Variants in COL24A1 observed in about 807,000 individuals in gnomAD.
COL24A1 encodes the protein collagen type XXIV alpha 1 chain.
Under a neutral mutation model 253.9 loss-of-function variants are expected in COL24A1, and 224 were observed. The observed-to-expected ratio is 0.88, with a 90% confidence interval of 0.79 to 0.99. COL24A1 has a LOEUF of 0.99. Ranked by LOEUF, COL24A1 falls within the 50% of genes least tolerant of loss-of-function variation. COL24A1 has a pLI of 0.00. For missense variants in COL24A1, 2,131 were observed against 2,068.5 expected (o/e 1.03, Z -0.59); for synonymous variants, 685 against 673.7 (o/e 1.02, Z -0.26).
In COL24A1 at chr1:85,869,455, G is replaced by A. The variant is rs1362189211; in HGVS notation, c.3139-620C>T. Among the ~76,000 whole-genome samples, 4 of 152,114 alleles carry A rather than the reference G, an allele frequency of 2.6e-5. No homozygotes were observed. The East Asian group carries it at 7.7e-4, about 29-fold the overall frequency. ...TTAAGGGCAGCCAGAGAGAAAGGTCGGGTTAACCACAAAGGAAAGCCCATC... is the reference window on the plus strand; with the variant it reads ...TTAAGGGCAGCCAGAGAGAAAGGTCAGGTTAACCACAAAGGAAAGCCCATC... On this transcript the variant is annotated intron_variant, in intron 35 of 59. Coordinates refer to ENST00000370571, the MANE Select transcript of COL24A1 (RefSeq NM_152890.7).
intron 24 of COL24A1, among the ~76,000 whole-genome samples, chr1:85,956,330 A>T (rs1210510999): frequency 1.3e-5 from 2 of 152,310 alleles, no homozygotes; most frequent in East Asian, 3.9e-4. Context: ...CCCAGCTCAG[A>T]ATCAGTCATG....
intron 24 of COL24A1, among the ~76,000 whole-genome samples, chr1:85,924,811 G>A (rs1426079104): frequency 6.6e-6 from 1 of 152,158 alleles, no homozygotes; most frequent in Non-Finnish European, 1.5e-5. Context: ...AGTGTTGGAA[G>A]TTCTGGTCAG....
chr1:85,822,619 G>A (rs1673764868), intron 45 of COL24A1, among the ~76,000 whole-genome samples: 1 of 152,166 alleles, frequency 6.6e-6, no homozygotes, highest in Admixed American at 6.5e-5. Context: ...ATGAGCCTGT[G>A]TTACATAGTC....
Position 86,017,180 on chromosome 1 carries a change from G to A in COL24A1, c.2281C>T (p.Gln761Ter). 3 of 1,585,340 alleles carry A rather than the reference G, an allele frequency of 1.9e-6. No individual in the cohort carries two copies. The highest frequency in any genetic ancestry group is 1.7e-6 in the Non-Finnish European group (2 of 1,170,374). ...GGTCCTGGAGGGCCAGATGGTCCTT[G>A]GAGTCCTGGGTCACCTGTTTGGCCC... is the stretch of plus-strand genomic sequence containing the variant. The part of the protein sequence containing the change: ...PSGQTGDPGL[Q>*]GPSGPPGPEG... Residue 761 changes from glutamine to a stop codon, truncating the protein, a stop_gained, in exon 19 of 60, where the codon CAA (glutamine) becomes TAA (stop). Transcript: ENST00000370571. LOFTEE classifies it high-confidence loss of function.
chr1:86,124,330 TC>T (rs1394679195), intron 3 of COL24A1, among the ~76,000 whole-genome samples: 1 of 151,908 alleles, frequency 6.6e-6, no homozygotes, highest in African/African-American at 2.4e-5. Flanking sequence ...CTAAAGACAG[TC>T]AACGATTCAT....
At chr1:85,895,749 T>C (rs1683614932) in intron 31 of COL24A1, 109 bp downstream of exon 31, 3 of 829,120 alleles carry the variant, frequency 3.6e-6, no homozygotes, top group South Asian at 1.6e-5. Context: ...ACTGCAAATA[T>C]ATATAATTTT....
chr1:85,831,792 T>C (rs1016660506), intron 43 of COL24A1, among the ~76,000 whole-genome samples: 2 of 151,988 alleles, frequency 1.3e-5, no homozygotes, highest in Non-Finnish European at 2.9e-5. Flanking sequence ...TGACAGAACA[T>C]GTTAGGTAGA....
At chr1:85,907,888 T>TA (rs1250587047) in intron 27 of COL24A1, among the ~76,000 whole-genome samples, 3 of 151,824 alleles carry the variant, frequency 2.0e-5, no homozygotes, top group Admixed American at 6.6e-5. Flanking sequence ...ATTTCAAATT[T>TA]ATTTATTATT....
intron 19 of COL24A1, among the ~76,000 whole-genome samples, chr1:86,010,339 A>G (rs1370603707): frequency 6.6e-6 from 1 of 152,194 alleles, no homozygotes; most frequent in African/African-American, 2.4e-5. Context: ...AATTTCCCTA[A>G]TACCCAAATA....
Position 85,787,793 on chromosome 1 carries a change from C to T in COL24A1, c.3952-1332G>A, listed in dbSNP as rs1313028608. ...CTGGACTTTGGTTCCTTAAGGTCTT[C>T]GAGGAATCACCACACTGTCTTCCAC... On this transcript the variant is annotated intron_variant, in intron 47 of 59. Transcript: ENST00000370571. Among the ~76,000 whole-genome samples, 6 of 151,868 alleles carry T rather than the reference C, an allele frequency of 4.0e-5. No homozygotes were observed. The South Asian group carries it at 8.3e-4, about 21-fold the overall frequency.
chr1:85,802,350 G>A (rs902622761), intron 47 of COL24A1, among the ~76,000 whole-genome samples: 1 of 152,014 alleles, frequency 6.6e-6, no homozygotes, highest in Admixed American at 6.6e-5. Context: ...CCAAACTTTA[G>A]CCGTACTGGT....
intron 25 of COL24A1, among the ~76,000 whole-genome samples, chr1:85,910,835 T>G (rs1254036814): frequency 6.6e-6 from 1 of 151,842 alleles, no homozygotes; most frequent in African/African-American, 2.4e-5. Flanking sequence ...TGTGGTACTA[T>G]TCTAAGTCCA....
Position 86,004,623 on chromosome 1 carries a change from G to C in COL24A1, c.2310+12528C>G, listed in dbSNP as rs148181987. ...AATAGGATGAACATTTGGGTCTAAA[G>C]ACCAAGGGGTGGAAGCAGGTATGGT... On this transcript the variant is annotated intron_variant, in intron 19 of 59. Transcript: ENST00000370571. 5.3e-3 allele frequency among the ~76,000 whole-genome samples: 806 copies of C among 152,288 alleles called. 8 individuals carry two copies. Among genetic ancestry groups the C allele is most frequent in the African/African-American group, 0.019 (774 of 41,564 alleles).
rs1259482732 is a variant in COL24A1, at chr1:85,964,991, TA to T, written c.2517+17del. ...GAAAATTATATTTTAAAACTGATAATAAAGTCAGTTGCTTTACCTTTAAGCC... is the reference window on the plus strand; with the variant it reads ...GAAAATTATATTTTAAAACTGATAATAAGTCAGTTGCTTTACCTTTAAGCC... On this transcript the variant is annotated intron_variant, in intron 23 of 59. Transcript: ENST00000370571. The T allele has an allele frequency of 2.5e-6, 4 of 1,597,048 alleles. No individual in the cohort carries two copies. Among genetic ancestry groups the T allele is most frequent in the Non-Finnish European group, 3.4e-6 (4 of 1,169,860 alleles).
At chr1:85,806,331 T>A (rs898890821) in intron 47 of COL24A1, among the ~76,000 whole-genome samples, 1 of 152,114 alleles carries the variant, frequency 6.6e-6, no homozygotes, top group Non-Finnish European at 1.5e-5. Flanking sequence ...GCCCACTACA[T>A]ATAAGAACAT....
Position 85,745,479 on chromosome 1 carries a change from G to C in COL24A1, c.4465C>G (p.Gln1489Glu). 6.2e-7 allele frequency: 1 copy of C among 1,610,048 alleles called. No homozygotes were observed. The highest frequency in any genetic ancestry group is 8.5e-7 in the Non-Finnish European group (1 of 1,178,408). Residue 1489 changes from glutamine to glutamate, a missense_variant, in exon 56 of 60, where the codon CAA (glutamine) becomes GAA (glutamate). By Grantham distance (29) the Gln-to-Glu change is conservative. Transcript: ENST00000370571. ...RKQMDINAAIQALIESNTALQ... is the reference protein window; with the variant it reads ...RKQMDINAAIEALIESNTALQ... ...GCAGTATTTGATTCAATCAAGGCTT[G>C]AATAGCAGCATTGATATCCATTTGC...
chr1:85,874,529 A>G (rs1680906210), intron 35 of COL24A1, 120 bp downstream of exon 35: 2 of 859,972 alleles, frequency 2.3e-6, no homozygotes, highest in Non-Finnish European at 3.6e-6. Context: ...GAAACCAAAC[A>G]TTTTCTATAA....
chr1:85,871,688 G>T (rs1022644418), intron 35 of COL24A1, among the ~76,000 whole-genome samples: 9 of 152,066 alleles, frequency 5.9e-5, no homozygotes, highest in African/African-American at 1.7e-4. Context: ...GTATTGATGG[G>T]ACATATCTCA....
intron 5 of COL24A1, among the ~76,000 whole-genome samples, chr1:86,097,826 C>G (rs1357064839): frequency 6.6e-6 from 1 of 151,928 alleles, no homozygotes; most frequent in Non-Finnish European, 1.5e-5. Context: ...TGACTGTAAA[C>G]TGTATTTCTA....
Sources: allele counts gnomAD v4.1 joint callset (sites outside exome capture counted in the v4.1 genomes callset), GRCh38; gene constraint gnomAD v4.1.1; transcripts MANE v1.5; gene names NCBI Gene and HGNC (gene_info 2026-07-23, HGNC 2026-07-21).